SRBD1: variants seen among roughly 807,000 people sequenced by gnomAD.
The protein encoded by SRBD1 is S1 RNA binding domain 1.
Under a neutral mutation model 115.3 loss-of-function variants are expected in SRBD1, and 88 were observed. The observed-to-expected ratio is 0.76, with a 90% confidence interval of 0.64 to 0.91. SRBD1 has a LOEUF of 0.91. SRBD1 is among the 40% of genes least tolerant of loss of function. SRBD1 has a pLI of 0.00. For synonymous variants in SRBD1, 509 were observed against 407.7 expected, an observed-to-expected ratio of 1.25 and a Z score of -2.99; for missense variants, 1,385 against 1,177.4, an observed-to-expected ratio of 1.18 and a Z score of -2.58.
Position 45,488,171 on chromosome 2 carries a change from T to C in SRBD1, c.1966+69A>G, listed in dbSNP as rs867235067. 1.1e-4 allele frequency: 139 copies of C among 1,311,192 alleles called. No individual in the cohort carries two copies. The Middle Eastern group carries it at 4.0e-3, about 38-fold the overall frequency. 81.2% of individuals were successfully genotyped at this position (1,311,192 alleles called of 1,614,324 possible). A position where few individuals can be genotyped will look rare whatever the true frequency, so the allele number is the denominator to read the frequency against. On this transcript the variant is annotated intron_variant, in intron 15 of 20. Coordinates refer to ENST00000263736, the MANE Select transcript of SRBD1 (RefSeq NM_018079.5). ...AAATTTTCTTTGATATTTAGAATAT[T>C]TAGCATGCCACACATGCTGCCCAAA...
At chr2:45,551,042 T>C in intron 12 of SRBD1, 83 bp downstream of exon 12, 2 of 1,475,956 alleles carry the variant, frequency 1.4e-6, no homozygotes, top group Non-Finnish European at 1.8e-6. Context: ...ATTAACATTA[T>C]TTCCAAATCC....
intron 14 of SRBD1, among the ~76,000 whole-genome samples, chr2:45,498,873 C>T (rs971094802): frequency 1.3e-5 from 2 of 152,182 alleles, no homozygotes; most frequent in African/African-American, 2.4e-5. Context: ...ATACATACCA[C>T]ATTTTCTTTA....
chr2:45,548,686 G>C (rs766878420), intron 12 of SRBD1, among the ~76,000 whole-genome samples: 1 of 147,454 alleles, frequency 6.8e-6, no homozygotes, highest in Non-Finnish European at 1.5e-5. Context: ...ACATAGTAAA[G>C]GACAAAAGCC....
At chr2:45,606,111 C>A (rs943629776) in intron 1 of SRBD1, among the ~76,000 whole-genome samples, 1 of 150,294 alleles carries the variant, frequency 6.7e-6, no homozygotes, top group African/African-American at 2.4e-5. Flanking sequence ...CTTACAAAGT[C>A]CTTTATTAAA....
At chr2:45,545,849 G>A (rs965140089) in intron 14 of SRBD1, among the ~76,000 whole-genome samples, 5 of 152,092 alleles carry the variant, frequency 3.3e-5, no homozygotes, top group African/African-American at 7.2e-5. Context: ...TATAATAACT[G>A]CCTGGCCTTT....
intron 4 of SRBD1, among the ~76,000 whole-genome samples, chr2:45,598,380 C>A (rs895275090): frequency 6.6e-6 from 1 of 151,672 alleles, no homozygotes; most frequent in South Asian, 2.1e-4. Flanking sequence ...TTTGGGAGGC[C>A]GAGGCGGGCA....
At chr2:45,441,401 C>G (rs1466356718) in intron 16 of SRBD1, among the ~76,000 whole-genome samples, 1 of 152,234 alleles carries the variant, frequency 6.6e-6, no homozygotes, top group Non-Finnish European at 1.5e-5. Context: ...ACCTGATGCA[C>G]ACAGGTGTGT....
chr2:45,553,651 T>C lies in SRBD1; in HGVS notation c.1489A>G (p.Ile497Val). 1 of 1,604,638 alleles carries C rather than the reference T, an allele frequency of 6.2e-7. No homozygotes were observed. Among genetic ancestry groups the C allele is most frequent in the Non-Finnish European group, 8.5e-7 (1 of 1,176,370 alleles). The change falls in exon 11 of 21, where the codon ATT becomes GTT. Residue 497 changes from isoleucine to valine, a missense_variant. Ile to Val is a conservative substitution (Grantham distance 29). Coordinates refer to ENST00000263736, the MANE Select transcript of SRBD1 (RefSeq NM_018079.5). ...AATTCTCTACAGAGAAGAGGATAAA[T>C]AAGGCGTTTAAAGGAATCATTCAGT... ...NSLNDSFKRL[I>V]YPLLCREFRA...
At chr2:45,611,118 G>A (rs1261910957) in intron 1 of SRBD1, 101 bp downstream of exon 1, 2 of 152,194 alleles carry the variant, frequency 1.3e-5, no homozygotes, top group African/African-American at 4.8e-5. Flanking sequence ...TTGCCCAAAT[G>A]AGCGCTCAGA....
chr2:45,487,499 ACAAATATTTG>A (rs1670156010), intron 15 of SRBD1, among the ~76,000 whole-genome samples: 1 of 152,208 alleles, frequency 6.6e-6, no homozygotes, highest in Non-Finnish European at 1.5e-5. Context: ...TGGTCATTTG[ACAAATATTTG>A]GCAATAAACT....
intron 19 of SRBD1, among the ~76,000 whole-genome samples, chr2:45,396,099 T>C (rs992594188): frequency 2.0e-5 from 3 of 151,950 alleles, no homozygotes; most frequent in Non-Finnish European, 2.9e-5. Context: ...ATGACAATGA[T>C]CCTAAAAGGT....
chr2:45,500,373 ACTG>A (rs1397810889), intron 14 of SRBD1, among the ~76,000 whole-genome samples: 1 of 150,682 alleles, frequency 6.6e-6, no homozygotes, highest in African/African-American at 2.4e-5. Flanking sequence ...TATAAATGAG[ACTG>A]CTTTCTCGAT....
rs561314154 is a variant in SRBD1, at chr2:45,602,256, G to A, written c.81-173C>T. Among the ~76,000 whole-genome samples the A allele has an allele frequency of 2.6e-5, 4 of 152,192 alleles. No individual in the cohort carries two copies. In the South Asian group the frequency reaches 8.3e-4, roughly 31 times the overall value. The stretch of plus-strand genomic sequence containing the variant: ...TGCTAAGAATTGAACCAACAGAGTT[G>A]ATGACGGACCAGTATAAAAATACCG... On this transcript the variant is annotated intron_variant, in intron 2 of 20. Coordinates refer to ENST00000263736, the MANE Select transcript of SRBD1 (RefSeq NM_018079.5).
At chr2:45,485,744 A>C (rs1161973534) in intron 15 of SRBD1, among the ~76,000 whole-genome samples, 1 of 152,196 alleles carries the variant, frequency 6.6e-6, no homozygotes, top group East Asian at 1.9e-4. Flanking sequence ...AGAGGACTTA[A>C]AGGTAAAAAA....
At chr2:45,492,493 C>CAGTGGCGCGG (rs1159159838) in intron 14 of SRBD1, among the ~76,000 whole-genome samples, 1 of 152,168 alleles carries the variant, frequency 6.6e-6, no homozygotes, top group Non-Finnish European at 1.5e-5. Context: ...GGCTGGAGTG[C>CAGTGGCGCGG]AGTGGCGCCA....
At chr2:45,600,778 C>G (rs754607294) in intron 3 of SRBD1, among the ~76,000 whole-genome samples, 1 of 152,148 alleles carries the variant, frequency 6.6e-6, no homozygotes, top group African/African-American at 2.4e-5. Flanking sequence ...TCTCCGTTAC[C>G]TAAATGATGC....
At chr2:45,484,154 T>G (rs1270514674) in intron 15 of SRBD1, among the ~76,000 whole-genome samples, 1 of 152,090 alleles carries the variant, frequency 6.6e-6, no homozygotes, top group Non-Finnish European at 1.5e-5. Flanking sequence ...TTTTTAATAT[T>G]AATAGTAGAA....
At chr2:45,503,481 C>G (rs1015831480) in intron 14 of SRBD1, among the ~76,000 whole-genome samples, 5 of 152,088 alleles carry the variant, frequency 3.3e-5, no homozygotes, top group Middle Eastern at 3.2e-3. Context: ...TTATAGAGAA[C>G]AAGCATATTA....
At chr2:45,570,683 A>T (rs1017212046) in intron 9 of SRBD1, among the ~76,000 whole-genome samples, 1 of 152,228 alleles carries the variant, frequency 6.6e-6, no homozygotes, top group African/African-American at 2.4e-5. Flanking sequence ...GAGCACTTTT[A>T]ACGTACCCCA....
Sources: allele counts gnomAD v4.1 joint callset (sites outside exome capture counted in the v4.1 genomes callset), GRCh38; gene constraint gnomAD v4.1.1; transcripts MANE v1.5; gene names NCBI Gene and HGNC (gene_info 2026-07-23, HGNC 2026-07-21).